CCDC150: variants seen among roughly 807,000 people sequenced by gnomAD.
The protein encoded by CCDC150 is coiled-coil domain-containing protein 150.
A neutral mutation model predicts 156.5 loss-of-function variants in CCDC150; 151 were observed. The ratio of observed to expected loss-of-function variants is 0.97; its 90% CI spans 0.85 to 1.10. The LOEUF is 1.10. Ranked by LOEUF, CCDC150 falls within the 50% of genes least tolerant of loss-of-function variation. The probability of loss-of-function intolerance (pLI) is 0.00; values close to 1 mark genes in which losing one functional copy is unlikely to be tolerated. For synonymous variants in CCDC150, 452 were observed against 429.4 expected, an observed-to-expected ratio of 1.05 and a Z score of -0.65; for missense variants, 1,312 against 1,268.1, an observed-to-expected ratio of 1.03 and a Z score of -0.53.
At chr2:196,656,525 A>C in intron 2 of CCDC150, 108 bp from the exon 3 acceptor site, 1 of 753,142 alleles carries the variant, frequency 1.3e-6, no homozygotes, top group Admixed American at 2.5e-5. Flanking sequence ...TGGTGATGTC[A>C]CTCTCCAATT....
chr2:196,713,051 C>G (rs2292943), intron 17 of CCDC150: 1 of 469,758 alleles, frequency 2.1e-6, no homozygotes, highest in African/African-American at 2.0e-5. Context: ...AATATGTTTT[C>G]AAATGGAATA....
intron 13 of CCDC150, among the ~76,000 whole-genome samples, chr2:196,679,418 T>C (rs928109902): frequency 1.1e-4 from 16 of 152,204 alleles, no homozygotes; most frequent in South Asian, 2.1e-4. Flanking sequence ...TCATACAGTA[T>C]GTAGCATTTT....
chr2:196,716,717 A>C (rs1308482868), intron 17 of CCDC150, among the ~76,000 whole-genome samples: 1 of 152,150 alleles, frequency 6.6e-6, no homozygotes, highest in Non-Finnish European at 1.5e-5. Context: ...CGTATGTGAA[A>C]ACTTATCAAA....
Position 196,670,264 on chromosome 2 carries a change from A to G in CCDC150, c.936+388A>G, listed in dbSNP as rs138136271. ...TTGAATGATAAATTTTGTCATGTAT[A>G]TTTTGCCATAATTTTTAAAATTAAA... On this transcript the variant is annotated intron_variant, in intron 8 of 27. Transcript: ENST00000389175. 9.9e-4 allele frequency among the ~76,000 whole-genome samples: 150 copies of G among 152,216 alleles called. No homozygotes were observed. In the East Asian group the frequency reaches 0.019, roughly 19 times the overall value.
At chr2:196,732,204 G>C (rs1424938724) in intron 27 of CCDC150, 52 bp downstream of exon 27, 1 of 1,601,674 alleles carries the variant, frequency 6.2e-7, no homozygotes, top group African/African-American at 1.3e-5. Context: ...TTGCTTCTCA[G>C]ATTTCTAATT....
Position 196,729,794 on chromosome 2 carries a change from A to ATTG in CCDC150, c.2753_2754insTTG (p.Gln918delinsHisTer). 1.3e-6 allele frequency: 2 copies of ATTG among 1,559,150 alleles called. No homozygotes were observed. The highest frequency in any genetic ancestry group is 1.8e-6 in the Non-Finnish European group (2 of 1,140,758). Reference sequence around the variant, plus strand: ...ATGTTATTTTCCAATTACTTTTAGCAAATAGAAAAAGAATTGAAGCAAATG... The same window carrying ATTG: ...ATGTTATTTTCCAATTACTTTTAGCATTGAATAGAAAAAGAATTGAAGCAAATG... On this transcript the variant is annotated stop_gained and protein_altering_variant and splice_region_variant, in exon 24 of 28. Transcript: ENST00000389175. LOFTEE classifies it high-confidence loss of function.
At chr2:196,642,229 C>A (rs1039742237) in intron 1 of CCDC150, among the ~76,000 whole-genome samples, 2 of 152,198 alleles carry the variant, frequency 1.3e-5, no homozygotes, top group Non-Finnish European at 2.9e-5. Flanking sequence ...TATGTTAAAG[C>A]TGTTGTCTCT....
In CCDC150 at chr2:196,719,613, A is replaced by C. The variant is rs760761604; in HGVS notation, c.2112A>C (p.Val704=). The change falls in exon 19 of 28, where the codon GTA becomes GTC. Residue 704 remains valine, a synonymous_variant. Coordinates refer to ENST00000389175, the MANE Select transcript of CCDC150 (RefSeq NM_001080539.2). The part of the protein sequence containing the change: ...HSKMQGALEK[V]QIELGRRDSE... ...AGATGCAAGGTGCTCTGGAGAAAGT[A>C]CAAATAGAGCTTGGGCGGAGGGATT... 6.2e-7 allele frequency: 1 copy of C among 1,613,428 alleles called. No homozygotes were observed. Among genetic ancestry groups the C allele is most frequent in the Non-Finnish European group, 8.5e-7 (1 of 1,179,648 alleles).
Position 196,657,126 on chromosome 2 carries a change from C to T in CCDC150, c.566C>T (p.Ser189Leu), listed in dbSNP as rs372845500. Residue 189 changes from serine to leucine, a missense_variant, in exon 4 of 28, where the codon TCG becomes TTG. Transcript: ENST00000389175. ...TTGACTGCCACTCTGAAGATTGCCT[C>T]GCAGACAAAGGTTTGAGTCTAAGAG... ...QRLTATLKIA[S>L]QTKKNAAIIE... 81 of 1,613,478 alleles carry T rather than the reference C, an allele frequency of 5.0e-5. No individual in the cohort carries two copies. Among genetic ancestry groups the T allele is most frequent in the African/African-American group, 3.3e-4 (25 of 74,910 alleles).
intron 13 of CCDC150, among the ~76,000 whole-genome samples, chr2:196,689,290 T>A (rs1340121534): frequency 2.0e-5 from 3 of 152,304 alleles, no homozygotes; most frequent in African/African-American, 4.8e-5. Flanking sequence ...GGAAAGTCAT[T>A]GGTAGCTTGA....
intron 21 of CCDC150, among the ~76,000 whole-genome samples, chr2:196,725,373 C>A: frequency 6.6e-6 from 1 of 152,174 alleles, no homozygotes; most frequent in East Asian, 1.9e-4. Context: ...CACTCCCTCA[C>A]ACACACACAT....
intron 2 of CCDC150, among the ~76,000 whole-genome samples, chr2:196,649,895 A>G (rs1428168031): frequency 6.6e-6 from 1 of 152,186 alleles, no homozygotes; most frequent in Non-Finnish European, 1.5e-5. Flanking sequence ...GTTTTTTGGT[A>G]GAGTCTTTAG....
chr2:196,676,436 G>C lies in CCDC150; in HGVS notation c.1263-118G>C. 2.3e-6 allele frequency: 3 copies of C among 1,305,488 alleles called. 1 individual carries two copies. The South Asian group carries it at 4.4e-5, about 19-fold the overall frequency. The allele number at this position is 1,305,488 out of a possible 1,614,324, so 80.9% of individuals were successfully genotyped here. On this transcript the variant is annotated intron_variant, in intron 11 of 27. Transcript: ENST00000389175. ...TGCCCTCAAGAAACTAGTTTTGTTA[G>C]AACATTTTGGTAACTACTCTCAGTC...
chr2:196,709,224 ACTTCT>A (rs1696904118), intron 15 of CCDC150, among the ~76,000 whole-genome samples: 1 of 151,626 alleles, frequency 6.6e-6, no homozygotes, highest in South Asian at 2.1e-4. Context: ...TTTTCTCTAA[ACTTCT>A]CTTCTCGCTT....
intron 5 of CCDC150, among the ~76,000 whole-genome samples, chr2:196,662,403 A>G (rs1396482160): frequency 1.8e-4 from 27 of 152,134 alleles, no homozygotes; most frequent in Non-Finnish European, 3.8e-4. Context: ...GTTGAGGGGA[A>G]TGGTTTTGGG....
intron 15 of CCDC150, among the ~76,000 whole-genome samples, chr2:196,709,022 T>C (rs1696887191): frequency 6.6e-6 from 1 of 152,208 alleles, no homozygotes; most frequent in African/African-American, 2.4e-5. Context: ...CGGTGTTCTC[T>C]GTATATCCTG....
At chr2:196,682,864 A>T (rs1397296576) in intron 13 of CCDC150, among the ~76,000 whole-genome samples, 1 of 151,948 alleles carries the variant, frequency 6.6e-6, no homozygotes, top group East Asian at 1.9e-4. Flanking sequence ...AATTATCTCT[A>T]TTTGTAATAG....
At chr2:196,713,535 C>G in intron 17 of CCDC150, 2 of 1,550,558 alleles carry the variant, frequency 1.3e-6, no homozygotes, top group Non-Finnish European at 8.7e-7. Flanking sequence ...ATGAAAACAT[C>G]TCAGGATATT....
chr2:196,671,272 T>C (rs1694182606), intron 8 of CCDC150, among the ~76,000 whole-genome samples: 1 of 152,188 alleles, frequency 6.6e-6, no homozygotes, highest in African/African-American at 2.4e-5. Context: ...ATCTTTTTAC[T>C]GTCTCCATAG....
Sources: gnomAD v4.1 joint callset for allele counts (sites outside exome capture counted in the v4.1 genomes callset) on GRCh38, gnomAD v4.1.1 for gene constraint, MANE v1.5 for transcripts, NCBI Gene and HGNC (gene_info 2026-07-23, HGNC 2026-07-21) for gene names.